The following PDE11A variants were observed in gnomAD, a reference collection of about 807,000 sequenced individuals.
PDE11A encodes dual 3',5'-cyclic-AMP and -GMP phosphodiesterase 11A.
Under a neutral mutation model 100.5 loss-of-function variants are expected in PDE11A, and 100 were observed. That is an observed-to-expected ratio of 1.00 (90% CI 0.85 to 1.18). The LOEUF (loss-of-function observed/expected upper bound fraction) is 1.18, where lower values mean the gene tolerates loss of function less well. Among genes scored for constraint, PDE11A ranks in the 50% most tolerant of loss-of-function variants. The pLI is 0.00. For missense variants in PDE11A, 1,141 were observed against 1,152.6 expected, an observed-to-expected ratio of 0.99 and a Z score of 0.15; for synonymous variants, 381 against 420.8, an observed-to-expected ratio of 0.91 and a Z score of 1.16.
intron 2 of PDE11A, among the ~76,000 whole-genome samples, chr2:177,944,468 CT>C (rs1411062393): frequency 2.0e-5 from 3 of 152,156 alleles, no homozygotes; most frequent in African/African-American, 7.2e-5. Context: ...TGGAACTACA[CT>C]AAGGATTCTT....
intron 16 of PDE11A, among the ~76,000 whole-genome samples, chr2:177,680,516 T>G (rs1375549088): frequency 1.3e-5 from 2 of 152,078 alleles, no homozygotes. Flanking sequence ...GATGCAAAAA[T>G]CCCTTCTCCA....
At chr2:177,834,489 C>G (rs1164675987) in intron 6 of PDE11A, among the ~76,000 whole-genome samples, 3 of 152,192 alleles carry the variant, frequency 2.0e-5, no homozygotes, top group African/African-American at 7.2e-5. Flanking sequence ...ACCCTCACCC[C>G]AATGGTTGCA....
chr2:177,983,467 G>C (rs1217427466), intron 2 of PDE11A, among the ~76,000 whole-genome samples: 1 of 152,152 alleles, frequency 6.6e-6, no homozygotes, highest in Non-Finnish European at 1.5e-5. Flanking sequence ...AAGTAGCTTT[G>C]AGAAAACTGG....
chr2:177,804,542 T>C (rs889223665), intron 9 of PDE11A, among the ~76,000 whole-genome samples: 4 of 151,960 alleles, frequency 2.6e-5, no homozygotes, highest in African/African-American at 4.8e-5. Flanking sequence ...AAAACAGAAC[T>C]ACCATTCAAT....
intron 5 of PDE11A, among the ~76,000 whole-genome samples, chr2:177,853,124 A>G (rs2083744636): frequency 5.3e-5 from 1 of 18,756 alleles, no homozygotes; most frequent in South Asian, 3.3e-3. Flanking sequence ...ACAGCTGAAT[A>G]AATCTGGGTG....
intron 5 of PDE11A, among the ~76,000 whole-genome samples, chr2:177,872,626 G>A (rs1037606939): frequency 6.6e-6 from 1 of 152,206 alleles, no homozygotes; most frequent in African/African-American, 2.4e-5. Context: ...AGGAGCCATA[G>A]AAATTGTCTT....
At chr2:178,001,304 G>C (rs553027087) in intron 2 of PDE11A, among the ~76,000 whole-genome samples, 1 of 151,598 alleles carries the variant, frequency 6.6e-6, no homozygotes, top group Non-Finnish European at 1.5e-5. Context: ...GTGTGTGTGT[G>C]TGTGTGTAGT....
At chr2:177,721,084 T>C (rs2081519811) in intron 12 of PDE11A, among the ~76,000 whole-genome samples, 1 of 152,170 alleles carries the variant, frequency 6.6e-6, no homozygotes, top group African/African-American at 2.4e-5. Context: ...TATATTCTAT[T>C]ACATTTATAA....
intron 2 of PDE11A, among the ~76,000 whole-genome samples, chr2:178,005,465 T>C (rs1012389612): frequency 1.3e-5 from 2 of 152,088 alleles, no homozygotes; most frequent in African/African-American, 2.4e-5. Context: ...GTGGGCACCA[T>C]AGTGAGCCCC....
chr2:178,098,215 T>C (rs2087519380), intron 2 of PDE11A, among the ~76,000 whole-genome samples: 2 of 152,130 alleles, frequency 1.3e-5, no homozygotes. Flanking sequence ...GTAATAACAA[T>C]CCCCAGCTGT....
intron 1 of PDE11A, among the ~76,000 whole-genome samples, chr2:178,058,046 C>A (rs1425774838): frequency 6.6e-6 from 1 of 152,024 alleles, no homozygotes; most frequent in Admixed American, 6.6e-5. Context: ...TTAGTAAAGA[C>A]AGGGTTTCAC....
intron 2 of PDE11A, chr2:177,998,071 C>T: frequency 5.4e-6 from 7 of 1,306,878 alleles, no homozygotes; most frequent in Non-Finnish European, 5.5e-6. Flanking sequence ...CCTGCCCACA[C>T]ACTCAGGATC....
intron 1 of PDE11A, among the ~76,000 whole-genome samples, chr2:178,050,730 T>C (rs1257964110): frequency 6.6e-6 from 1 of 152,148 alleles, no homozygotes; most frequent in Non-Finnish European, 1.5e-5. Context: ...CAGTAGCCGA[T>C]TCGATCAACT....
At chr2:177,981,271 TA>T (rs2085878280) in intron 2 of PDE11A, among the ~76,000 whole-genome samples, 1 of 150,638 alleles carries the variant, frequency 6.6e-6, no homozygotes, top group Non-Finnish European at 1.5e-5. Flanking sequence ...CTAGGGCTGC[TA>T]TAACAAAGTA....
intron 2 of PDE11A, chr2:177,998,890 A>T: frequency 1.9e-6 from 1 of 531,420 alleles, no homozygotes; most frequent in Non-Finnish European, 3.5e-6. Context: ...TGGCTCTTTA[A>T]AGTGTAAAAC....
At chr2:177,745,336 T>C (rs987230756) in intron 10 of PDE11A, among the ~76,000 whole-genome samples, 14 of 152,170 alleles carry the variant, frequency 9.2e-5, no homozygotes, top group Non-Finnish European at 2.9e-5. Flanking sequence ...ACATCTAAAA[T>C]GGCCTCCTAT....
intron 1 of PDE11A, among the ~76,000 whole-genome samples, chr2:178,036,567 C>T (rs573560391): frequency 2.4e-4 from 37 of 152,118 alleles, no homozygotes; most frequent in Admixed American, 1.3e-3. Context: ...ATAGCCAAGA[C>T]AATCCTAAGA....
At chr2:177,662,248 T>C (rs541600277) in intron 19 of PDE11A, among the ~76,000 whole-genome samples, 1 of 152,316 alleles carries the variant, frequency 6.6e-6, no homozygotes, top group East Asian at 1.9e-4. Context: ...CAGCCTTTCC[T>C]ATAACCAACA....
chr2:177,842,118 T>C (rs943371887), intron 5 of PDE11A, among the ~76,000 whole-genome samples: 2 of 152,252 alleles, frequency 1.3e-5, no homozygotes, highest in Non-Finnish European at 2.9e-5. Flanking sequence ...CAGTTCATTC[T>C]GCACTGTGTA....
Sources: gnomAD v4.1 joint callset for allele counts (sites outside exome capture counted in the v4.1 genomes callset) on GRCh38, gnomAD v4.1.1 for gene constraint, MANE v1.5 for transcripts, NCBI Gene and HGNC (gene_info 2026-07-23, HGNC 2026-07-21) for gene names.